The following CNTNAP2 variants were observed in gnomAD, a reference collection of about 807,000 sequenced individuals.
CNTNAP2 encodes contactin associated protein 2, also known as contactin-associated protein-like 2.
Under a neutral mutation model 155.2 loss-of-function variants are expected in CNTNAP2, and 98 were observed. The ratio of observed to expected loss-of-function variants is 0.63; its 90% CI spans 0.54 to 0.75. The LOEUF (loss-of-function observed/expected upper bound fraction) is 0.75. CNTNAP2 is among the 30% of genes least tolerant of loss of function. The pLI, the probability that CNTNAP2 is intolerant of heterozygous loss-of-function variation, is 0.00. For missense variants in CNTNAP2, 1,727 were observed against 1,688.1 expected (o/e 1.02, Z -0.40); for synonymous variants, 651 against 631.2 (o/e 1.03, Z -0.47).
intron 3 of CNTNAP2, among the ~76,000 whole-genome samples, chr7:146,889,568 G>T (rs1299934735): frequency 6.6e-6 from 1 of 151,920 alleles, no homozygotes; most frequent in Non-Finnish European, 1.5e-5. Flanking sequence ...ATTTTATTCT[G>T]CATGGTCTTC....
chr7:148,018,825 A>T (rs1454668193), intron 15 of CNTNAP2, among the ~76,000 whole-genome samples: 1 of 152,236 alleles, frequency 6.6e-6, no homozygotes, highest in East Asian at 1.9e-4. Context: ...TGTGCTTCTC[A>T]CAAGGTTTTT....
chr7:147,359,851 TTTAA>T (rs1033864286), intron 9 of CNTNAP2, among the ~76,000 whole-genome samples: 11 of 152,218 alleles, frequency 7.2e-5, no homozygotes, highest in African/African-American at 2.2e-4. Flanking sequence ...TTTCTACTAA[TTTAA>T]TTATTTTTTC....
chr7:148,116,664 TAAG>T (rs1178513751), intron 15 of CNTNAP2, among the ~76,000 whole-genome samples: 1 of 152,218 alleles, frequency 6.6e-6, no homozygotes, highest in Non-Finnish European at 1.5e-5. Flanking sequence ...ATTAATTAAA[TAAG>T]ACCATATTTT....
chr7:148,113,642 G>A (rs1281212014), intron 15 of CNTNAP2, among the ~76,000 whole-genome samples: 2 of 152,214 alleles, frequency 1.3e-5, no homozygotes, highest in Admixed American at 1.3e-4. Context: ...ATGGAGACCA[G>A]CAAGCCTGCT....
intron 1 of CNTNAP2, among the ~76,000 whole-genome samples, chr7:146,535,572 G>A (rs1237057664): frequency 6.7e-6 from 1 of 148,664 alleles, no homozygotes; most frequent in South Asian, 2.1e-4. Flanking sequence ...TAAATTAATT[G>A]TAATTGACAA....
At chr7:148,292,268 T>C (rs1797202885) in intron 21 of CNTNAP2, among the ~76,000 whole-genome samples, 1 of 152,216 alleles carries the variant, frequency 6.6e-6, no homozygotes, top group East Asian at 1.9e-4. Flanking sequence ...TCAGGTAAAG[T>C]GAAGCTTATT....
At chr7:147,934,722 A>C (rs796594493) in intron 14 of CNTNAP2, among the ~76,000 whole-genome samples, 20 of 152,294 alleles carry the variant, frequency 1.3e-4, no homozygotes, top group African/African-American at 4.3e-4. Context: ...ATAACCACAA[A>C]ATGACAGGGA....
intron 1 of CNTNAP2, among the ~76,000 whole-genome samples, chr7:146,597,207 C>A (rs1798875183): frequency 6.6e-6 from 1 of 151,968 alleles, no homozygotes; most frequent in South Asian, 2.1e-4. Flanking sequence ...AGTTTGGTGG[C>A]CGTTGTTGGC....
chr7:146,611,964 A>G lies in CNTNAP2; in HGVS notation c.98-162307A>G, dbSNP rs368271547. 1.5e-4 allele frequency among the ~76,000 whole-genome samples: 23 copies of G among 152,312 alleles called. No homozygotes were observed. In the South Asian group the frequency reaches 4.6e-3, roughly 30 times the overall value. On this transcript the variant is annotated intron_variant, in intron 1 of 23. Coordinates refer to ENST00000361727, the MANE Select transcript of CNTNAP2 (RefSeq NM_014141.6). ...CTTCCAGTTCTCTGATGATATATAC[A>G]TAACATATAAAAGGTTATCCTTGTC...
At position 147,826,302 on chromosome 7, in the gene CNTNAP2, G is replaced by C. The variant is rs149224431; in HGVS notation, c.2099-77263G>C. On this transcript the variant is annotated intron_variant, in intron 13 of 23. Coordinates refer to ENST00000361727, the MANE Select transcript of CNTNAP2 (RefSeq NM_014141.6). ...AGGAAAACACAAAATCTAGTTCAAT[G>C]AATACTTAAAATTTATAAGTGATAG... is the stretch of plus-strand genomic sequence containing the variant. Among the ~76,000 whole-genome samples, 499 of 152,252 alleles carry C rather than the reference G, an allele frequency of 3.3e-3. 8 individuals carry two copies. The East Asian group carries it at 0.034, about 10-fold the overall frequency.
chr7:147,457,568 T>TTTC (rs11380755), intron 10 of CNTNAP2, among the ~76,000 whole-genome samples: 10 of 151,644 alleles, frequency 6.6e-5, no homozygotes, highest in African/African-American at 2.4e-4. Flanking sequence ...AGGTTTTTTT[T>TTTC]CCTGTTTTTC....
chr7:146,762,366 C>T (rs535948350), intron 1 of CNTNAP2, among the ~76,000 whole-genome samples: 96 of 152,070 alleles, frequency 6.3e-4, no homozygotes, highest in African/African-American at 1.9e-3. Flanking sequence ...TTTGGGAGGC[C>T]GAGGCGGGAG....
chr7:147,073,839 C>T (rs551068908), intron 4 of CNTNAP2, among the ~76,000 whole-genome samples: 5 of 151,902 alleles, frequency 3.3e-5, no homozygotes, highest in South Asian at 4.2e-4. Context: ...ATGGAAGGGA[C>T]GGAAATTTAA....
intron 1 of CNTNAP2, among the ~76,000 whole-genome samples, chr7:146,596,640 A>AGAGAGAGAGAGAGAGAGAGAGAGAGAG (rs1491206523): frequency 7.9e-6 from 1 of 127,024 alleles, no homozygotes; most frequent in Non-Finnish European, 1.7e-5. Context: ...AGAGAGAGAG[A>AGAGAGAGAGAGAGAGAGAGAGAGAGAG]AATTGTTGAG....
At chr7:146,123,332 C>T (rs780924627) in intron 1 of CNTNAP2, among the ~76,000 whole-genome samples, 9 of 152,152 alleles carry the variant, frequency 5.9e-5, no homozygotes, top group Non-Finnish European at 1.3e-4. Flanking sequence ...AATACTTTTA[C>T]CAGGAAAAAT....
At chr7:146,250,616 A>G (rs1206687943) in intron 1 of CNTNAP2, among the ~76,000 whole-genome samples, 1 of 152,158 alleles carries the variant, frequency 6.6e-6, no homozygotes, top group Non-Finnish European at 1.5e-5. Context: ...TACTGATGGC[A>G]TCACTATGCT....
chr7:147,058,158 G>A (rs900224848), intron 4 of CNTNAP2, among the ~76,000 whole-genome samples: 1 of 152,118 alleles, frequency 6.6e-6, no homozygotes, highest in African/African-American at 2.4e-5. Flanking sequence ...ATTTGAATCT[G>A]TAATCTCCTT....
At chr7:146,225,700 A>C (rs1310365055) in intron 1 of CNTNAP2, among the ~76,000 whole-genome samples, 1 of 152,120 alleles carries the variant, frequency 6.6e-6, no homozygotes, top group Non-Finnish European at 1.5e-5. Flanking sequence ...TATTGTACTA[A>C]CCTATCCTCT....
chr7:146,610,624 T>C (rs1055711271), intron 1 of CNTNAP2, among the ~76,000 whole-genome samples: 2 of 152,088 alleles, frequency 1.3e-5, no homozygotes, highest in Non-Finnish European at 2.9e-5. Flanking sequence ...TTTTGAGACA[T>C]GATTGCACTT....
Sources: gnomAD v4.1 joint callset for allele counts (sites outside exome capture counted in the v4.1 genomes callset) on GRCh38, gnomAD v4.1.1 for gene constraint, MANE v1.5 for transcripts, NCBI Gene and HGNC (gene_info 2026-07-23, HGNC 2026-07-21) for gene names.